Variants in NUSAP1 observed in about 807,000 individuals in gnomAD.
NUSAP1 encodes the protein nucleolar and spindle associated protein 1, also known as nucleolar and spindle-associated protein 1.
A neutral mutation model predicts 52.8 loss-of-function variants in NUSAP1; 32 were observed. The ratio of observed to expected loss-of-function variants is 0.61; its 90% CI spans 0.46 to 0.81. NUSAP1 has a LOEUF of 0.81. Ranked by LOEUF, NUSAP1 falls within the 40% of genes least tolerant of loss-of-function variation. The probability of loss-of-function intolerance (pLI) is 0.00; values close to 1 mark genes in which losing one functional copy is unlikely to be tolerated. For missense variants in NUSAP1, 499 were observed against 522.3 expected (o/e 0.96, Z 0.43); for synonymous variants, 195 against 183.1 (o/e 1.06, Z -0.52).
chr15:41,370,749 C>CAAAAAAA (rs60034914), intron 7 of NUSAP1, among the ~76,000 whole-genome samples: 1 of 70,794 alleles, frequency 1.4e-5, no homozygotes. Flanking sequence ...AACTCCATCT[C>CAAAAAAA]AAAAAAAAAA....
chr15:41,360,575 C>A (rs1006960187), intron 6 of NUSAP1, among the ~76,000 whole-genome samples: 35 of 152,098 alleles, frequency 2.3e-4, no homozygotes, highest in African/African-American at 8.2e-4. Flanking sequence ...CTCAGCCTCC[C>A]AAAGTGCTGG....
At chr15:41,335,849 A>G (rs1301076229) in intron 1 of NUSAP1, among the ~76,000 whole-genome samples, 2 of 148,128 alleles carry the variant, frequency 1.4e-5, no homozygotes, top group East Asian at 3.9e-4. Context: ...AAATATAAAT[A>G]TACTAAATAT....
At chr15:41,367,399 A>G (rs1232109501) in intron 7 of NUSAP1, among the ~76,000 whole-genome samples, 4 of 152,168 alleles carry the variant, frequency 2.6e-5, no homozygotes, top group Non-Finnish European at 4.4e-5. Flanking sequence ...GCTCCAAGCA[A>G]CTGGGGTCAT....
chr15:41,377,413 AT>A, intron 10 of NUSAP1, 109 bp downstream of exon 10: 1 of 590,558 alleles, frequency 1.7e-6, no homozygotes, highest in South Asian at 2.3e-5. Flanking sequence ...TAGAAGTGGT[AT>A]TATGGCCGTG....
At chr15:41,345,007 C>T (rs1166922269) in intron 2 of NUSAP1, among the ~76,000 whole-genome samples, 2 of 152,058 alleles carry the variant, frequency 1.3e-5, no homozygotes, top group Non-Finnish European at 2.9e-5. Context: ...AACAATTTCT[C>T]TTACTTTTTT....
chr15:41,334,498 G>C (rs901950013), intron 1 of NUSAP1, among the ~76,000 whole-genome samples: 1 of 152,182 alleles, frequency 6.6e-6, no homozygotes, highest in African/African-American at 2.4e-5. Flanking sequence ...GATATTTCTG[G>C]GCTGTAGTGG....
intron 6 of NUSAP1, among the ~76,000 whole-genome samples, chr15:41,364,636 G>A (rs1464244927): frequency 1.3e-5 from 2 of 152,120 alleles, no homozygotes; most frequent in Non-Finnish European, 2.9e-5. Flanking sequence ...GGGACACCAA[G>A]GCAGGCAGAT....
At chr15:41,363,285 A>G (rs748122028) in intron 6 of NUSAP1, among the ~76,000 whole-genome samples, 3 of 134,698 alleles carry the variant, frequency 2.2e-5, no homozygotes, top group Non-Finnish European at 3.3e-5. Context: ...GTCTCCATCT[A>G]AAAAAAAAAA....
At chr15:41,351,427 C>G (rs1161895791) in intron 4 of NUSAP1, among the ~76,000 whole-genome samples, 1 of 152,182 alleles carries the variant, frequency 6.6e-6, no homozygotes, top group African/African-American at 2.4e-5. Context: ...GTCTCTGGCT[C>G]TGACAGCGCA....
intron 5 of NUSAP1, among the ~76,000 whole-genome samples, chr15:41,357,731 C>T (rs2049025040): frequency 6.6e-6 from 1 of 152,072 alleles, no homozygotes; most frequent in Admixed American, 6.6e-5. Context: ...GGTGTTGAGC[C>T]ACCATGACCA....
At chr15:41,355,050 G>T (rs968284972) in intron 4 of NUSAP1, among the ~76,000 whole-genome samples, 1 of 151,062 alleles carries the variant, frequency 6.6e-6, no homozygotes, top group Non-Finnish European at 1.5e-5. Context: ...GAGTCTTGCT[G>T]TGTTGCCCAG....
rs769371821 is a variant in NUSAP1 at position 41,371,682 on chromosome 15, C to A, written c.1004C>A (p.Ala335Asp). 1.3e-6 allele frequency: 2 copies of A among 1,571,628 alleles called. No homozygotes were observed. Among genetic ancestry groups the A allele is most frequent in the Admixed American group, 4.3e-5 (2 of 46,418 alleles). The part of the protein sequence containing the change: ...KLKTITGNSA[A>D]VITPFKLTTE... ...AAGACCATCACGGGGAATTCTGCTG[C>A]TGGTAAAAAAAAAAAAAAACAAAAG... The change falls in exon 8 of 11, where the codon GCT becomes GAT. Residue 335 changes from alanine to aspartate, a missense_variant and splice_region_variant. Physicochemically the swap from Ala to Asp is moderately radical, Grantham distance 126. Coordinates refer to ENST00000559596, the MANE Select transcript of NUSAP1 (RefSeq NM_016359.5).
At chr15:41,354,361 C>T (rs113094287) in intron 4 of NUSAP1, among the ~76,000 whole-genome samples, 6,174 of 152,098 alleles carry the variant, frequency 0.041, 243 homozygotes, top group African/African-American at 0.1. Context: ...AAAAATTAGC[C>T]GGGTGTGGTA....
intron 6 of NUSAP1, among the ~76,000 whole-genome samples, chr15:41,360,636 C>T (rs1381952029): frequency 2.0e-5 from 3 of 151,268 alleles, no homozygotes; most frequent in Admixed American, 1.3e-4. Flanking sequence ...TTTATATTTT[C>T]AGTAAAGATG....
At chr15:41,362,244 T>G (rs1248276527) in intron 6 of NUSAP1, among the ~76,000 whole-genome samples, 1 of 151,696 alleles carries the variant, frequency 6.6e-6, no homozygotes, top group Non-Finnish European at 1.5e-5. Context: ...TTTATCTATT[T>G]ATTTATAATA....
chr15:41,374,668 T>G (rs778970045), intron 8 of NUSAP1, among the ~76,000 whole-genome samples: 3 of 150,504 alleles, frequency 2.0e-5, no homozygotes, highest in Non-Finnish European at 4.4e-5. Flanking sequence ...GCTGGGATTT[T>G]GGGCACACGC....
intron 9 of NUSAP1, 84 bp from the exon 10 acceptor site, chr15:41,377,110 CAG>C (rs1677919195): frequency 2.9e-6 from 2 of 692,394 alleles, no homozygotes; most frequent in Non-Finnish European, 4.9e-6. Flanking sequence ...ATGTTGATAG[CAG>C]GTAACCCCAC....
intron 7 of NUSAP1, among the ~76,000 whole-genome samples, chr15:41,367,787 G>A (rs986939102): frequency 1.1e-4 from 16 of 152,188 alleles, no homozygotes; most frequent in African/African-American, 3.9e-4. Flanking sequence ...ATCCCCTCCT[G>A]ACTGCGGGCA....
chr15:41,357,345 G>A (rs1048590480), intron 5 of NUSAP1, among the ~76,000 whole-genome samples: 1 of 151,932 alleles, frequency 6.6e-6, no homozygotes, highest in South Asian at 2.1e-4. Context: ...TGTAGCCTGG[G>A]CAATAGAGCA....
Sources: gnomAD v4.1 joint callset for allele counts (sites outside exome capture counted in the v4.1 genomes callset) on GRCh38, gnomAD v4.1.1 for gene constraint, MANE v1.5 for transcripts, NCBI Gene and HGNC (gene_info 2026-07-23, HGNC 2026-07-21) for gene names.